C8B: variants seen among roughly 807,000 people sequenced by gnomAD.
C8B encodes complement component C8 beta chain.
Under a neutral mutation model 64.6 loss-of-function variants are expected in C8B, and 67 were observed. The ratio of observed to expected loss-of-function variants is 1.04; its 90% confidence interval spans 0.85 to 1.27. C8B has a LOEUF of 1.27. C8B is among the 50% of genes most tolerant of loss of function. The probability of loss-of-function intolerance (pLI) is 0.00; values close to 1 mark genes in which losing one functional copy is unlikely to be tolerated. For missense variants in C8B, 790 were observed against 725.2 expected, an observed-to-expected ratio of 1.09 and a Z score of -1.03; for synonymous variants, 284 against 257.7, an observed-to-expected ratio of 1.10 and a Z score of -0.98.
intron 9 of C8B, among the ~76,000 whole-genome samples, chr1:56,940,308 C>T (rs1437850168): frequency 1.3e-5 from 2 of 151,900 alleles, no homozygotes; most frequent in Non-Finnish European, 1.5e-5. Context: ...TGGCTCACAC[C>T]TATAATCCCA....
At chr1:56,933,566 T>A in intron 9 of C8B, 78 bp from the exon 10 acceptor site, 2 of 1,242,846 alleles carry the variant, frequency 1.6e-6, no homozygotes. Flanking sequence ...TACAAAGGAA[T>A]GGACTGGGAT....
chr1:56,943,658 CATT>C, intron 8 of C8B, 35 bp downstream of exon 8: 3 of 1,612,990 alleles, frequency 1.9e-6, no homozygotes, highest in South Asian at 2.2e-5. Context: ...GGAGGATAAA[CATT>C]ATAAGTGTGG....
intron 4 of C8B, among the ~76,000 whole-genome samples, chr1:56,952,443 G>A (rs537523717): frequency 2.6e-5 from 4 of 152,250 alleles, no homozygotes; most frequent in African/African-American, 9.6e-5. Context: ...CCTGCGCCCA[G>A]AATGCCCTTC....
chr1:56,944,235 G>A (rs1644909278), intron 7 of C8B, among the ~76,000 whole-genome samples: 2 of 151,256 alleles, frequency 1.3e-5, no homozygotes, highest in African/African-American at 4.8e-5. Context: ...TAATTAATTA[G>A]TTGAGAAAAT....
rs752050375 is a variant in C8B, at chr1:56,930,926, A to G, written c.1621+884T>C. ...ACTCTATGAGGTTGTTAATATGATC[A>G]TATTCATCTTACAGGCACAGAAACT... On this transcript the variant is annotated intron_variant, in intron 11 of 11. Transcript: ENST00000371237. 2.3e-4 allele frequency among the ~76,000 whole-genome samples: 35 copies of G among 152,318 alleles called. No homozygotes were observed. In the Middle Eastern group the frequency reaches 0.01, roughly 44 times the overall value.
chr1:56,935,055 A>C (rs1407513127), intron 9 of C8B, among the ~76,000 whole-genome samples: 1 of 152,222 alleles, frequency 6.6e-6, no homozygotes, highest in African/African-American at 2.4e-5. Context: ...ACTAGCAATT[A>C]TCAGCCCCAT....
chr1:56,949,441 G>A, intron 6 of C8B, 114 bp downstream of exon 6: 1 of 1,020,978 alleles, frequency 9.8e-7, no homozygotes, highest in South Asian at 1.4e-5. Flanking sequence ...CCAGAACTGT[G>A]AGCCAAGTAA....
intron 9 of C8B, among the ~76,000 whole-genome samples, chr1:56,938,244 G>A (rs1171535377): frequency 3.3e-5 from 5 of 152,054 alleles, no homozygotes; most frequent in Non-Finnish European, 2.9e-5. Flanking sequence ...TGTCTCTTGC[G>A]TCTGCATTTT....
At chr1:56,934,508 G>T (rs1409376092) in intron 9 of C8B, among the ~76,000 whole-genome samples, 1 of 152,192 alleles carries the variant, frequency 6.6e-6, no homozygotes, top group African/African-American at 2.4e-5. Context: ...CTTGGTTCAA[G>T]TTGCAACTCC....
intron 1 of C8B, among the ~76,000 whole-genome samples, chr1:56,962,708 A>G (rs637253): frequency 0.31 from 47,305 of 152,160 alleles, 7,650 homozygotes; most frequent in South Asian, 0.5. Context: ...TAATTTTGAC[A>G]TCTGCATTTT....
Position 56,940,890 on chromosome 1 carries a change from C to T in C8B, c.1357G>A (p.Gly453Arg), listed in dbSNP as rs1644842359. ...LPTADLMQEW[G>R]DAVQYNPAII... ...GCTGGGTTGTACTGCACAGCGTCTC[C>T]CCACTCCTGCATCAGGTCCGCCGTC... Residue 453 changes from glycine to arginine, a missense_variant, in exon 9 of 12, where the codon GGA (glycine) becomes AGA (arginine). Physicochemically the swap from Gly to Arg is moderately radical, Grantham distance 125. Transcript: ENST00000371237. 6.2e-7 allele frequency: 1 copy of T among 1,613,934 alleles called. No homozygotes were observed.
intron 11 of C8B, among the ~76,000 whole-genome samples, 189 bp from the exon 12 acceptor site, chr1:56,929,747 C>T (rs1308476184): frequency 1.3e-5 from 2 of 152,056 alleles, no homozygotes; most frequent in Non-Finnish European, 2.9e-5. Flanking sequence ...ATGCTTTCCC[C>T]CCTGTGCCCA....
rs111761900 is a variant in C8B, at chr1:56,934,587, C to T, written c.1399-1099G>A. On this transcript the variant is annotated intron_variant, in intron 9 of 11. Transcript: ENST00000371237. ...ATCCTGCCCTGGAGAGTTTAGGGTACGTCTAAATGCAGGCAATCATGACTA... is the reference window on the plus strand; with the variant it reads ...ATCCTGCCCTGGAGAGTTTAGGGTATGTCTAAATGCAGGCAATCATGACTA... 4.9e-3 allele frequency among the ~76,000 whole-genome samples: 741 copies of T among 152,284 alleles called. 3 individuals carry two copies. The highest frequency in any genetic ancestry group is 0.012 in the African/African-American group (509 of 41,550).
chr1:56,953,086 C>A (rs1387359885), intron 4 of C8B, among the ~76,000 whole-genome samples: 8 of 152,202 alleles, frequency 5.3e-5, no homozygotes, highest in Admixed American at 5.2e-4. Context: ...AGTGTCCCTG[C>A]AGCTCTGTGC....
At chr1:56,932,854 G>C (rs1644722015) in intron 10 of C8B, among the ~76,000 whole-genome samples, 1 of 152,026 alleles carries the variant, frequency 6.6e-6, no homozygotes, top group Non-Finnish European at 1.5e-5. Flanking sequence ...TGCTGGGCTG[G>C]CCTCTTTTTT....
chr1:56,954,079 C>T (rs779722774), intron 4 of C8B, among the ~76,000 whole-genome samples: 5 of 152,100 alleles, frequency 3.3e-5, no homozygotes, highest in African/African-American at 4.8e-5. Flanking sequence ...GGAAGGTCTC[C>T]CTCTTCCACC....
chr1:56,935,372 C>T (rs1297710490), intron 9 of C8B, among the ~76,000 whole-genome samples: 1 of 151,936 alleles, frequency 6.6e-6, no homozygotes, highest in South Asian at 2.1e-4. Context: ...CCTTTTGCTC[C>T]TCCCTCCTTA....
chr1:56,933,628 T>A, intron 9 of C8B, 140 bp from the exon 10 acceptor site: 1 of 747,322 alleles, frequency 1.3e-6, no homozygotes, highest in African/African-American at 1.7e-5. Context: ...GGATCTCCCA[T>A]CTTCTCTCTG....
At chr1:56,931,307 A>G (rs1340552295) in intron 11 of C8B, among the ~76,000 whole-genome samples, 2 of 152,164 alleles carry the variant, frequency 1.3e-5, no homozygotes, top group Non-Finnish European at 2.9e-5. Context: ...CACAGAGGTA[A>G]ATGGGACATG....
Sources: gnomAD v4.1 joint callset for allele counts (sites outside exome capture counted in the v4.1 genomes callset) on GRCh38, gnomAD v4.1.1 for gene constraint, MANE v1.5 for transcripts, NCBI Gene and HGNC (gene_info 2026-07-23, HGNC 2026-07-21) for gene names.